Variants in KHDRBS2 observed in about 807,000 individuals in gnomAD.
KHDRBS2 encodes the protein KH RNA binding domain containing, signal transduction associated 2.
In KHDRBS2, 26 loss-of-function variants were observed where a neutral mutation model predicts 44.3. The ratio of observed to expected loss-of-function variants is 0.59; its 90% CI spans 0.43 to 0.81. The LOEUF (loss-of-function observed/expected upper bound fraction) is 0.81, where lower values mean the gene tolerates loss of function less well. Among genes scored for constraint, KHDRBS2 ranks in the 40% least tolerant of loss-of-function variants. The probability of loss-of-function intolerance (pLI) is 0.00; values close to 1 mark genes in which losing one functional copy is unlikely to be tolerated. For missense variants in KHDRBS2, 476 were observed against 433.1 expected, an observed-to-expected ratio of 1.10 and a Z score of -0.88; for synonymous variants, 194 against 151.1, an observed-to-expected ratio of 1.28 and a Z score of -2.08.
intron 1 of KHDRBS2, among the ~76,000 whole-genome samples, chr6:62,281,474 G>T (rs1841788100): frequency 6.6e-6 from 1 of 151,956 alleles, no homozygotes; most frequent in African/African-American, 2.4e-5. Flanking sequence ...ACAAAAATTA[G>T]CCGGGTGTGG....
At chr6:61,702,123 G>C (rs1460099012) in intron 7 of KHDRBS2, among the ~76,000 whole-genome samples, 2 of 151,872 alleles carry the variant, frequency 1.3e-5, no homozygotes, top group East Asian at 1.9e-4. Context: ...AAGACTTCTC[G>C]TTGTTCCCCT....
intron 6 of KHDRBS2, among the ~76,000 whole-genome samples, chr6:61,809,420 C>CA (rs1017763713): frequency 2.6e-5 from 4 of 152,062 alleles, no homozygotes; most frequent in African/African-American, 7.2e-5. Context: ...ACTTTTCATG[C>CA]AAAAGGATAT....
At chr6:62,184,656 A>G (rs1441326114) in intron 1 of KHDRBS2, among the ~76,000 whole-genome samples, 1 of 151,820 alleles carries the variant, frequency 6.6e-6, no homozygotes, top group African/African-American at 2.4e-5. Flanking sequence ...GGAGTGGGCA[A>G]TTAAAGTTCA....
At chr6:62,197,075 T>C (rs1345997160) in intron 1 of KHDRBS2, among the ~76,000 whole-genome samples, 1 of 152,042 alleles carries the variant, frequency 6.6e-6, no homozygotes, top group East Asian at 1.9e-4. Flanking sequence ...CAAAAGAAGT[T>C]TCACAGTAAG....
chr6:61,997,526 C>T (rs62416703), intron 3 of KHDRBS2, among the ~76,000 whole-genome samples: 2,463 of 152,298 alleles, frequency 0.016, 32 homozygotes, highest in Non-Finnish European at 0.025. Context: ...CTCCAGGTCC[C>T]TTCTCTTGCA....
intron 6 of KHDRBS2, among the ~76,000 whole-genome samples, chr6:61,851,162 C>G (rs1795346307): frequency 6.6e-6 from 1 of 151,878 alleles, no homozygotes. Context: ...ATTTCACTTT[C>G]TTGCCTAAAA....
Position 61,846,784 on chromosome 6 carries a change from C to CATAT in KHDRBS2, c.810+47847_810+47850dup, listed in dbSNP as rs142483867. On this transcript the variant is annotated intron_variant, in intron 6 of 8. Coordinates refer to ENST00000281156, the MANE Select transcript of KHDRBS2 (RefSeq NM_152688.4). ...AAATATGATATAGCCCTTGTAAGTACATATATATATATATATATACCTGAT... is the reference window on the plus strand; with the variant it reads ...AAATATGATATAGCCCTTGTAAGTACATATATATATATATATATATATACCTGAT... Among the ~76,000 whole-genome samples, 974 of 149,766 alleles carry CATAT rather than the reference C, an allele frequency of 6.5e-3. 5 individuals are homozygous for CATAT. Among genetic ancestry groups the CATAT allele is most frequent in the South Asian group, 0.012 (55 of 4,758 alleles).
At chr6:62,118,848 C>A (rs953959239) in intron 2 of KHDRBS2, among the ~76,000 whole-genome samples, 2 of 152,178 alleles carry the variant, frequency 1.3e-5, no homozygotes, top group African/African-American at 4.8e-5. Flanking sequence ...AGGCCTTCAG[C>A]CACAGACTGA....
chr6:62,207,419 T>C (rs1360007509), intron 1 of KHDRBS2, among the ~76,000 whole-genome samples: 1 of 152,130 alleles, frequency 6.6e-6, no homozygotes, highest in Non-Finnish European at 1.5e-5. Flanking sequence ...TTTAAGCTTA[T>C]AAACTGTAAA....
chr6:61,953,226 A>T (rs1765136475), intron 4 of KHDRBS2, among the ~76,000 whole-genome samples: 3 of 152,078 alleles, frequency 2.0e-5, no homozygotes, highest in African/African-American at 7.2e-5. Flanking sequence ...AGCAATTATC[A>T]TTTCTGTTTT....
the KHDRBS2 span, among the ~76,000 whole-genome samples, chr6:61,657,124 T>C: frequency 6.6e-6 from 1 of 151,870 alleles, no homozygotes; most frequent in Non-Finnish European, 1.5e-5. Flanking sequence ...CTGCCCAAGC[T>C]CCATCCTCTG....
chr6:61,902,073 A>ACTGCTAG, intron 4 of KHDRBS2, among the ~76,000 whole-genome samples: 1 of 152,030 alleles, frequency 6.6e-6, no homozygotes, highest in Admixed American at 6.6e-5. Flanking sequence ...CTCCTATCTC[A>ACTGCTAG]GCCTCTGGAG....
chr6:62,004,222 C>A (rs753631113), intron 3 of KHDRBS2, among the ~76,000 whole-genome samples: 6 of 151,892 alleles, frequency 4.0e-5, no homozygotes, highest in Non-Finnish European at 8.8e-5. Flanking sequence ...GGAGCTGTTT[C>A]TTTTTTGAAA....
intron 7 of KHDRBS2, among the ~76,000 whole-genome samples, chr6:61,712,267 G>A (rs1222528613): frequency 6.6e-6 from 1 of 151,824 alleles, no homozygotes; most frequent in Non-Finnish European, 1.5e-5. Flanking sequence ...ACACAGCAAA[G>A]GTCATGAAAG....
At chr6:62,055,128 CTGCT>C (rs1049578742) in intron 2 of KHDRBS2, among the ~76,000 whole-genome samples, 1 of 151,872 alleles carries the variant, frequency 6.6e-6, no homozygotes, top group Non-Finnish European at 1.5e-5. Context: ...TTAAGAATAT[CTGCT>C]TGTGAAAATG....
chr6:61,890,624 A>G (rs1801675405), intron 6 of KHDRBS2, among the ~76,000 whole-genome samples: 1 of 152,222 alleles, frequency 6.6e-6, no homozygotes, highest in Admixed American at 6.5e-5. Flanking sequence ...AAAACACCAT[A>G]GTGACAACGT....
chr6:61,891,207 G>A (rs778093132), intron 6 of KHDRBS2, among the ~76,000 whole-genome samples: 34 of 152,296 alleles, frequency 2.2e-4, no homozygotes, highest in Middle Eastern at 6.8e-3. Flanking sequence ...AGATGGACAT[G>A]CTGGAGAGGT....
intron 4 of KHDRBS2, among the ~76,000 whole-genome samples, chr6:61,951,465 T>C (rs1192416557): frequency 1.3e-5 from 2 of 152,026 alleles, no homozygotes; most frequent in Non-Finnish European, 2.9e-5. Context: ...GTACCAGAAA[T>C]TCTAGTATCA....
chr6:62,180,944 A>G (rs536318400), intron 1 of KHDRBS2, among the ~76,000 whole-genome samples: 1 of 151,738 alleles, frequency 6.6e-6, no homozygotes, highest in African/African-American at 2.4e-5. Context: ...AGGGAGAAAA[A>G]AAGTCTCTTC....
Sources: gnomAD v4.1 joint callset for allele counts (sites outside exome capture counted in the v4.1 genomes callset) on GRCh38, gnomAD v4.1.1 for gene constraint, MANE v1.5 for transcripts, NCBI Gene and HGNC (gene_info 2026-07-23, HGNC 2026-07-21) for gene names.